Variants in SNAI3 observed in about 807,000 individuals in gnomAD.
The protein encoded by SNAI3 is snail family transcriptional repressor 3.
SNAI3 carries 21 observed loss-of-function variants against 16.4 expected under a neutral mutation model. The observed-to-expected ratio is 1.28, with a 90% CI of 0.91 to 1.85. The LOEUF (loss-of-function observed/expected upper bound fraction) is 1.85, where lower values mean the gene tolerates loss of function less well. Among genes scored for constraint, SNAI3 ranks in the 40% most tolerant of loss-of-function variants. The probability of loss-of-function intolerance (pLI) is 0.00; values close to 1 mark genes in which losing one functional copy is unlikely to be tolerated. For synonymous variants in SNAI3, 202 were observed against 166.6 expected, an observed-to-expected ratio of 1.21 and a Z score of -1.64; for missense variants, 457 against 372.8, an observed-to-expected ratio of 1.23 and a Z score of -1.86.
chr16:88,686,023 G>A, intron 1 of SNAI3: 1 of 272,956 alleles, frequency 3.7e-6, no homozygotes, highest in Admixed American at 4.9e-5. Context: ...TGTAGTGGTT[G>A]GGACGGGCGG....
At chr16:88,678,942 T>C (rs1909069181) in intron 2 of SNAI3, 2 of 985,074 alleles carry the variant, frequency 2.0e-6, no homozygotes, top group African/African-American at 3.5e-5. Context: ...CACAGGCAAG[T>C]GGGGGGGTCT....
chr16:88,678,703 A>G, intron 2 of SNAI3, 74 bp from the exon 3 acceptor site: 1 of 1,519,472 alleles, frequency 6.6e-7, no homozygotes, highest in Non-Finnish European at 8.8e-7. Flanking sequence ...CCTGCCCATC[A>G]ATGGATACTC....
Position 88,686,369 on chromosome 16 carries a change from T to A in SNAI3, c.38A>T (p.His13Leu). The A allele has an allele frequency of 6.2e-7, 1 of 1,611,672 alleles. No homozygotes were observed. Among genetic ancestry groups the A allele is most frequent in the Non-Finnish European group, 8.5e-7 (1 of 1,179,404 alleles). ...RSFLVKTHSS[H>L]RVPNYRRLET... ...CAGCCGCCGGTAGTTGGGGACCCTG[T>A]GGCTGGAGTGCGTTTTCACCAGGAA... The change falls in exon 1 of 3, where the codon CAC becomes CTC. Residue 13 changes from histidine (H) to leucine (L), a missense_variant. Physicochemically the swap from His to Leu is moderately conservative, Grantham distance 99. Transcript: ENST00000332281.
chr16:88,679,640 T>C (rs1909093265), intron 2 of SNAI3, among the ~76,000 whole-genome samples: 1 of 151,262 alleles, frequency 6.6e-6, no homozygotes, highest in South Asian at 2.1e-4. Flanking sequence ...CAGGTGTCTG[T>C]AGTCCCGGCT....
rs751748325 is a variant in SNAI3, at chr16:88,681,760, C to T, written c.77-46G>A. 2 of 1,377,230 alleles carry T rather than the reference C, an allele frequency of 1.5e-6. No individual in the cohort carries two copies. Among genetic ancestry groups the T allele is most frequent in the Admixed American group, 2.8e-5 (1 of 36,170 alleles). 85.3% of individuals were successfully genotyped at this position (1,377,230 alleles called of 1,614,324 possible). A position where few individuals can be genotyped will look rare whatever the true frequency, so the allele number is the denominator to read the frequency against. On this transcript the variant is annotated intron_variant, in intron 1 of 2. Transcript: ENST00000332281. This position sits in a 1 kb window ranked among gnomAD's most constrained non-coding sequence, Gnocchi z 5.4. ...GAATAGAAAGATGAAGACTGAATCC[C>T]CAGCACTTTGTGTTTTCCAACTCTG...
chr16:88,684,348 C>G (rs1485520104), intron 1 of SNAI3, among the ~76,000 whole-genome samples: 1 of 152,232 alleles, frequency 6.6e-6, no homozygotes, highest in Non-Finnish European at 1.5e-5. Flanking sequence ...TGGCTGAGCC[C>G]AGAGGCAGGA....
In SNAI3 at chr16:88,680,275, A is replaced by ATTTTTTTT. The variant is rs560411217; in HGVS notation, c.697+811_697+818dup. On this transcript the variant is annotated intron_variant, in intron 2 of 2. Transcript: ENST00000332281. ...GTACTTTAATGGCATTATGTTTTTG[A>ATTTTTTTT]TTTTTTTTTTTTTTTTTTTTTTTTT... Among the ~76,000 whole-genome samples, 20 of 55,102 alleles carry ATTTTTTTT rather than the reference A, an allele frequency of 3.6e-4. 4 individuals carry two copies. Among genetic ancestry groups the ATTTTTTTT allele is most frequent in the Middle Eastern group, 0.025 (1 of 40 alleles). The allele number at this position is 55,102 out of a possible 152,430, so 36.1% of individuals were successfully genotyped here.
At chr16:88,683,218 A>G (rs1358170478) in intron 1 of SNAI3, among the ~76,000 whole-genome samples, 1 of 148,890 alleles carries the variant, frequency 6.7e-6, no homozygotes, top group South Asian at 2.1e-4. Context: ...TCAGACTCCC[A>G]AGTAGCTGGG....
Position 88,678,526 on chromosome 16 carries a change from G to C in SNAI3, c.801C>G (p.Cys267Trp). Reference sequence around the variant, plus strand: ...GGGAGAAGGTCTTGGTGCAGCGCCGGCACCGGTACTTCTTGGCGTCTGAGT... The same window carrying C: ...GGGAGAAGGTCTTGGTGCAGCGCCGCCACCGGTACTTCTTGGCGTCTGAGT... The part of the protein sequence containing the change: ...QTHSDAKKYR[C>W]RRCTKTFSRM... The change falls in exon 3 of 3, where the codon TGC (cysteine) becomes TGG (tryptophan). Residue 267 changes from cysteine (C) to tryptophan (W), a missense_variant. Coordinates refer to ENST00000332281, the MANE Select transcript of SNAI3 (RefSeq NM_178310.4). 1.3e-6 allele frequency: 1 copy of C among 792,692 alleles called. No individual in the cohort carries two copies. Among genetic ancestry groups the C allele is most frequent in the Non-Finnish European group, 2.3e-6 (1 of 430,960 alleles). 49.1% of individuals were successfully genotyped at this position (792,692 alleles called of 1,614,324 possible).
rs1366848424 is a variant in SNAI3 at position 88,681,028 on chromosome 16, T to C, written c.697+66A>G. 3 of 1,554,068 alleles carry C rather than the reference T, an allele frequency of 1.9e-6. No homozygotes were observed. Among genetic ancestry groups the C allele is most frequent in the Non-Finnish European group, 2.6e-6 (3 of 1,146,670 alleles). On this transcript the variant is annotated intron_variant, in intron 2 of 2. Transcript: ENST00000332281. This position sits in a 1 kb window ranked among gnomAD's most constrained non-coding sequence, Gnocchi z 5.4. ...TATAAAATCACCCCTCCTCCTTTTC[T>C]AACTCCCGCAGCCCACCCTCTTCCC...
At position 88,681,712 on chromosome 16, in the gene SNAI3, T is replaced by C; in HGVS notation, c.79A>G (p.Ile27Val). The C allele has an allele frequency of 2.8e-6, 4 of 1,439,212 alleles. No homozygotes were observed. The highest frequency in any genetic ancestry group is 1.8e-6 in the Non-Finnish European group (2 of 1,091,550). The allele number at this position is 1,439,212 out of a possible 1,614,324, so 89.2% of individuals were successfully genotyped here. ...NYRRLETQRE[I>V]NGACSACGGL... ...CCACAGGCAGAGCAGGCACCATTGATTTCTAGAGGGGTGGAGGGGAGAGAA... is the reference window on the plus strand; with the variant it reads ...CCACAGGCAGAGCAGGCACCATTGACTTCTAGAGGGGTGGAGGGGAGAGAA... The change falls in exon 2 of 3, where the codon ATC becomes GTC. Residue 27 changes from isoleucine (I) to valine (V), a missense_variant and splice_region_variant. Coordinates refer to ENST00000332281, the MANE Select transcript of SNAI3 (RefSeq NM_178310.4). This position sits in a 1 kb window ranked among gnomAD's most constrained non-coding sequence, Gnocchi z 5.4.
chr16:88,678,127 G>A lies in SNAI3; in HGVS notation c.*321C>T, dbSNP rs149239568. The A allele has an allele frequency of 1.4e-5, 4 of 283,708 alleles. No individual in the cohort carries two copies. Among genetic ancestry groups the A allele is most frequent in the African/African-American group, 6.6e-5 (3 of 45,674 alleles). The allele number at this position is 283,708 out of a possible 1,614,324, so 17.6% of individuals were successfully genotyped here. On this transcript the variant is annotated 3_prime_UTR_variant, in exon 3 of 3. Transcript: ENST00000332281. ...GGCCCATGCTGGCGGCCACCTCCCC[G>A]AGGCTCTGACTCTTGGAAGGGTAGC...
At chr16:88,680,085 CAA>C (rs10540733) in intron 2 of SNAI3, among the ~76,000 whole-genome samples, 37,296 of 125,200 alleles carry the variant, frequency 0.3, 5,207 homozygotes, top group Non-Finnish European at 0.35. Context: ...TGCCTCAGAC[CAA>C]AAAAAAAAAA....
rs117406432 is a variant in SNAI3, at chr16:88,681,587, G to C, written c.204C>G (p.Ile68Met). ...PWDRSSAVAC[I>M]SLPLLPRIEE... ...CGATCCGTGGCAGGAGGGGCAGGGA[G>C]ATGCAGGCGACGGCCGAGGAGCGGT... is the stretch of plus-strand genomic sequence containing the variant. The change falls in exon 2 of 3, where the codon ATC becomes ATG. Residue 68 changes from isoleucine to methionine, a missense_variant. By Grantham distance (10) the Ile-to-Met change is conservative. Transcript: ENST00000332281. This position sits in a 1 kb window ranked among gnomAD's most constrained non-coding sequence, Gnocchi z 5.4. 6.1e-4 allele frequency: 919 copies of C among 1,504,204 alleles called. 12 individuals carry two copies. In the East Asian group the frequency reaches 0.018, roughly 30 times the overall value. The allele number at this position is 1,504,204 out of a possible 1,614,324, so 93.2% of individuals were successfully genotyped here.
chr16:88,684,103 C>T (rs983646934), intron 1 of SNAI3, among the ~76,000 whole-genome samples: 3 of 152,206 alleles, frequency 2.0e-5, no homozygotes, highest in Admixed American at 6.5e-5. Context: ...CTCAGTTTTC[C>T]TAATTACAGA....
intron 1 of SNAI3, among the ~76,000 whole-genome samples, chr16:88,682,935 C>T (rs1404843165): frequency 1.3e-5 from 2 of 150,256 alleles, no homozygotes; most frequent in Non-Finnish European, 3.0e-5. Context: ...CCACCACGCC[C>T]GGCTAATTTT....
intron 2 of SNAI3, among the ~76,000 whole-genome samples, chr16:88,679,931 A>G (rs1025861640): frequency 2.6e-5 from 4 of 151,880 alleles, no homozygotes; most frequent in Non-Finnish European, 4.4e-5. Context: ...TAATTTAAAA[A>G]TTGGCTGGGC....
At chr16:88,678,974 G>A in intron 2 of SNAI3, 1 of 985,440 alleles carries the variant, frequency 1.0e-6, no homozygotes, top group Non-Finnish European at 1.2e-6. Flanking sequence ...GCAGAATCCA[G>A]GGCAGGGGCA....
chr16:88,686,144 C>T (rs1909350957), intron 1 of SNAI3, 187 bp downstream of exon 1: 1 of 679,056 alleles, frequency 1.5e-6, no homozygotes, highest in Non-Finnish European at 2.4e-6. Flanking sequence ...GGCTCAGTGC[C>T]CTGAAGTGGA....
Sources: allele counts gnomAD v4.1 joint callset (sites outside exome capture counted in the v4.1 genomes callset), GRCh38; gene constraint gnomAD v4.1.1; non-coding constraint Gnocchi (gnomAD v3.1); transcripts MANE v1.5; gene names NCBI Gene and HGNC (gene_info 2026-07-23, HGNC 2026-07-21).